The following CLSTN2 variants were observed in gnomAD, a reference collection of about 807,000 sequenced individuals.
CLSTN2 encodes the protein calsyntenin-2.
A neutral mutation model predicts 101.2 loss-of-function variants in CLSTN2; 48 were observed. The observed-to-expected ratio is 0.47, with a 90% confidence interval of 0.38 to 0.60. The LOEUF (loss-of-function observed/expected upper bound fraction) is 0.60. Among genes scored for constraint, CLSTN2 ranks in the 20% least tolerant of loss-of-function variants. The probability of loss-of-function intolerance (pLI) is 0.00; values close to 1 mark genes in which losing one functional copy is unlikely to be tolerated. For synonymous variants in CLSTN2, 481 were observed against 463.6 expected (o/e 1.04, Z -0.48); for missense variants, 1,160 against 1,238.2 (o/e 0.94, Z 0.95).
chr3:140,546,578 TC>T lies in CLSTN2; in HGVS notation c.1573del (p.Arg525AlafsTer10). On this transcript the variant is annotated frameshift_variant, in exon 10 of 17. Coordinates refer to ENST00000458420, the MANE Select transcript of CLSTN2 (RefSeq NM_022131.3). LOFTEE classifies it high-confidence loss of function. ...CATGGAAGCCTGGCCAGTCTCACCA[TC>T]CGCCCTGGCAAAATGGAAAGCCAGA... ...FFHGSLASLT[I>X]RPGKMESQKV... 1 of 1,614,072 alleles carries T rather than the reference TC, an allele frequency of 6.2e-7. No homozygotes were observed. The highest frequency in any genetic ancestry group is 1.3e-5 in the African/African-American group (1 of 75,030).
Position 140,568,840 on chromosome 3 carries a change from TA to T in CLSTN2, c.*2588del, listed in dbSNP as rs948441557. On this transcript the variant is annotated 3_prime_UTR_variant, in exon 17 of 17. Coordinates refer to ENST00000458420, the MANE Select transcript of CLSTN2 (RefSeq NM_022131.3). Reference sequence around the variant, plus strand: ...TTTATATGTGTTGGGGTTTTTTTGGTAGGGGGGGTAGCAGGTAAAGGTGGCC... The same window carrying T: ...TTTATATGTGTTGGGGTTTTTTTGGTGGGGGGGTAGCAGGTAAAGGTGGCC... 7 of 152,102 alleles carry T rather than the reference TA, an allele frequency of 4.6e-5. No individual in the cohort carries two copies. The highest frequency in any genetic ancestry group is 3.9e-4 in the East Asian group (2 of 5,174). 9.4% of individuals were successfully genotyped at this position (152,102 alleles called of 1,614,324 possible).
intron 2 of CLSTN2, among the ~76,000 whole-genome samples, chr3:140,230,742 A>G (rs192867703): frequency 6.6e-6 from 1 of 152,320 alleles, no homozygotes; most frequent in East Asian, 1.9e-4. Context: ...AGTTCATGGT[A>G]TTTTGTTATA....
intron 2 of CLSTN2, among the ~76,000 whole-genome samples, chr3:140,201,172 C>A (rs1442737247): frequency 1.3e-5 from 2 of 152,182 alleles, no homozygotes; most frequent in Non-Finnish European, 2.9e-5. Flanking sequence ...TACAAGAGAG[C>A]ACTGTGTTGT....
chr3:140,308,781 A>AC (rs1440604414), intron 2 of CLSTN2, among the ~76,000 whole-genome samples: 1 of 152,220 alleles, frequency 6.6e-6, no homozygotes, highest in Admixed American at 6.5e-5. Context: ...TTTTATGCTA[A>AC]GTCATCCAGT....
intron 1 of CLSTN2, among the ~76,000 whole-genome samples, chr3:140,114,186 G>C (rs955900100): frequency 1.3e-5 from 2 of 152,160 alleles, no homozygotes; most frequent in African/African-American, 4.8e-5. Context: ...CCCATCTCCA[G>C]GGCTATGCTC....
chr3:140,134,640 A>G (rs1056633044), intron 1 of CLSTN2, among the ~76,000 whole-genome samples: 1 of 152,138 alleles, frequency 6.6e-6, no homozygotes, highest in African/African-American at 2.4e-5. Context: ...TTAGGAGAGG[A>G]TAACTTGATA....
chr3:140,383,388 G>A (rs1429806912), intron 2 of CLSTN2, among the ~76,000 whole-genome samples: 1 of 152,140 alleles, frequency 6.6e-6, no homozygotes, highest in African/African-American at 2.4e-5. Context: ...TGAGAGAAGG[G>A]CAAGTGAGGA....
chr3:140,220,912 G>T (rs2086266228), intron 2 of CLSTN2, among the ~76,000 whole-genome samples: 1 of 152,192 alleles, frequency 6.6e-6, no homozygotes, highest in South Asian at 2.1e-4. Flanking sequence ...TCAGTTAGGT[G>T]GTGAGTTAAA....
At chr3:140,158,325 T>A (rs2009989076) in intron 1 of CLSTN2, among the ~76,000 whole-genome samples, 1 of 152,168 alleles carries the variant, frequency 6.6e-6, no homozygotes, top group African/African-American at 2.4e-5. Flanking sequence ...GTCAAAAGTC[T>A]CCTAGAACTG....
At chr3:140,233,911 C>A (rs2086393188) in intron 2 of CLSTN2, among the ~76,000 whole-genome samples, 1 of 152,230 alleles carries the variant, frequency 6.6e-6, no homozygotes, top group Admixed American at 6.5e-5. Context: ...TTTATTGGAA[C>A]ACAACCACAC....
At chr3:140,341,370 C>T (rs947977806) in intron 2 of CLSTN2, among the ~76,000 whole-genome samples, 2 of 152,050 alleles carry the variant, frequency 1.3e-5, no homozygotes, top group Non-Finnish European at 2.9e-5. Flanking sequence ...CCTCTGACCT[C>T]GTCCCCATGC....
chr3:140,053,979 A>G (rs2008050677), intron 1 of CLSTN2, among the ~76,000 whole-genome samples: 1 of 152,306 alleles, frequency 6.6e-6, no homozygotes, highest in South Asian at 2.1e-4. Context: ...CTCGGGCCCA[A>G]TACAAGAGGG....
chr3:140,223,520 G>C (rs1037865931), intron 2 of CLSTN2, among the ~76,000 whole-genome samples: 1 of 152,082 alleles, frequency 6.6e-6, no homozygotes, highest in African/African-American at 2.4e-5. Context: ...AGTTTCCGAA[G>C]AAGGATCCTA....
At chr3:140,450,246 C>T (rs1183791655) in intron 6 of CLSTN2, among the ~76,000 whole-genome samples, 2 of 152,110 alleles carry the variant, frequency 1.3e-5, no homozygotes, top group African/African-American at 4.8e-5. Flanking sequence ...AGCAACAGAG[C>T]CAGGATTTGA....
rs79808265 is a variant in CLSTN2 at position 140,364,657 on chromosome 3, G to A, written c.233-38972G>A. On this transcript the variant is annotated intron_variant, in intron 2 of 16. Coordinates refer to ENST00000458420, the MANE Select transcript of CLSTN2 (RefSeq NM_022131.3). ...AGTCTAGTCCCTGGGGTCTGGGAAG[G>A]GGCTTGGATAATGAGGCAGGGGGAG... Among the ~76,000 whole-genome samples the A allele has an allele frequency of 3.7e-3, 562 of 152,294 alleles. 8 individuals are homozygous for A. The highest frequency in any genetic ancestry group is 0.013 in the African/African-American group (534 of 41,550).
chr3:140,412,074 G>T (rs1430643724), intron 4 of CLSTN2, among the ~76,000 whole-genome samples: 1 of 152,200 alleles, frequency 6.6e-6, no homozygotes, highest in African/African-American at 2.4e-5. Context: ...GAGTTGCAAT[G>T]GTGCAATCTA....
chr3:140,432,968 A>G (rs1434648006), intron 5 of CLSTN2, among the ~76,000 whole-genome samples: 2 of 152,162 alleles, frequency 1.3e-5, no homozygotes, highest in East Asian at 1.9e-4. Flanking sequence ...TTATTTTCCC[A>G]TTTTACAGAT....
chr3:140,109,991 C>A (rs1463814458), intron 1 of CLSTN2, among the ~76,000 whole-genome samples: 1 of 152,146 alleles, frequency 6.6e-6, no homozygotes, highest in Non-Finnish European at 1.5e-5. Flanking sequence ...TGCCAGCCCT[C>A]ATCAGCCTTC....
At chr3:140,458,498 G>C (rs1013927587) in intron 6 of CLSTN2, among the ~76,000 whole-genome samples, 3 of 152,132 alleles carry the variant, frequency 2.0e-5, no homozygotes, top group Non-Finnish European at 4.4e-5. Context: ...TTGAGCCTCT[G>C]TGGAGAGTCA....
Sources: allele counts gnomAD v4.1 joint callset (sites outside exome capture counted in the v4.1 genomes callset), GRCh38; gene constraint gnomAD v4.1.1; transcripts MANE v1.5; gene names NCBI Gene and HGNC (gene_info 2026-07-23, HGNC 2026-07-21).